Variants in SLC39A11 observed in about 807,000 individuals in gnomAD.
The protein encoded by SLC39A11 is zinc transporter ZIP11.
A neutral mutation model predicts 36.1 loss-of-function variants in SLC39A11; 33 were observed. That is an observed-to-expected ratio of 0.91 (90% CI 0.69 to 1.22). SLC39A11 has a LOEUF of 1.22. Ranked by LOEUF, SLC39A11 falls within the 50% of genes most tolerant of loss-of-function variation. The pLI is 0.00. For missense variants in SLC39A11, 432 were observed against 430.3 expected (o/e 1.00, Z -0.03); for synonymous variants, 166 against 170.3 (o/e 0.97, Z 0.20).
chr17:72,833,713 A>G (rs1249457909), intron 6 of SLC39A11, among the ~76,000 whole-genome samples: 1 of 152,204 alleles, frequency 6.6e-6, no homozygotes, highest in Non-Finnish European at 1.5e-5. Flanking sequence ...CAGATAACAC[A>G]TAACACCAGA....
chr17:72,774,921 G>C (rs2076081209), intron 6 of SLC39A11, among the ~76,000 whole-genome samples: 3 of 151,658 alleles, frequency 2.0e-5, no homozygotes, highest in African/African-American at 7.3e-5. Context: ...CTTCTCCTTG[G>C]CTTCATCTTC....
intron 4 of SLC39A11, among the ~76,000 whole-genome samples, chr17:73,012,569 G>A (rs2090582373): frequency 6.6e-6 from 1 of 151,600 alleles, no homozygotes; most frequent in African/African-American, 2.4e-5. Flanking sequence ...TAGAATCAGG[G>A]GGTACGTGTG....
intron 3 of SLC39A11, among the ~76,000 whole-genome samples, chr17:73,061,841 C>A (rs1420683101): frequency 6.6e-6 from 1 of 151,774 alleles, no homozygotes; most frequent in South Asian, 2.1e-4. Flanking sequence ...CAAAAAAACA[C>A]GAAAATTAGC....
At chr17:72,654,267 T>TGTGA (rs1308657351) in intron 7 of SLC39A11, among the ~76,000 whole-genome samples, 3 of 151,918 alleles carry the variant, frequency 2.0e-5, no homozygotes, top group Non-Finnish European at 4.4e-5. Context: ...AGGATCGGAG[T>TGTGA]TAATGGCCTC....
At chr17:73,003,288 G>T (rs1356252678) in intron 4 of SLC39A11, among the ~76,000 whole-genome samples, 1 of 152,224 alleles carries the variant, frequency 6.6e-6, no homozygotes, top group Non-Finnish European at 1.5e-5. Context: ...ACCCCAGCTT[G>T]ACGGGCCGGG....
intron 7 of SLC39A11, among the ~76,000 whole-genome samples, chr17:72,693,914 G>A (rs1416454899): frequency 1.3e-5 from 2 of 152,042 alleles, no homozygotes; most frequent in South Asian, 2.1e-4. Flanking sequence ...CACCCGCCTC[G>A]GCCTCCCAAA....
intron 3 of SLC39A11, among the ~76,000 whole-genome samples, chr17:73,042,012 T>TAA (rs145959505): frequency 6.6e-6 from 1 of 150,686 alleles, no homozygotes; most frequent in Non-Finnish European, 1.5e-5. Context: ...TAGAATGATT[T>TAA]AAAAAAAAAA....
At chr17:72,825,239 C>T (rs2077968700) in intron 6 of SLC39A11, among the ~76,000 whole-genome samples, 1 of 152,226 alleles carries the variant, frequency 6.6e-6, no homozygotes, top group Non-Finnish European at 1.5e-5. Flanking sequence ...CCAGGTATGG[C>T]TAAAAGGGCC....
At chr17:72,726,922 G>A (rs1323318517) in intron 7 of SLC39A11, among the ~76,000 whole-genome samples, 1 of 152,186 alleles carries the variant, frequency 6.6e-6, no homozygotes. Context: ...TCTGGGTGTT[G>A]ATTAGCAGTA....
chr17:72,992,256 A>G (rs1357565261), intron 4 of SLC39A11, among the ~76,000 whole-genome samples: 1 of 152,196 alleles, frequency 6.6e-6, no homozygotes, highest in East Asian at 1.9e-4. Context: ...TGGGAGACTG[A>G]GGCAGGAGAA....
chr17:72,672,251 C>A (rs2071055187), intron 7 of SLC39A11, among the ~76,000 whole-genome samples: 1 of 152,178 alleles, frequency 6.6e-6, no homozygotes, highest in Non-Finnish European at 1.5e-5. Flanking sequence ...GAGTTCGAGA[C>A]CAACCTGGCC....
intron 6 of SLC39A11, among the ~76,000 whole-genome samples, chr17:72,838,412 A>G (rs945696526): frequency 6.6e-6 from 1 of 151,846 alleles, no homozygotes; most frequent in Non-Finnish European, 1.5e-5. Flanking sequence ...AATTTTTCGT[A>G]GAGATGGGGG....
intron 6 of SLC39A11, among the ~76,000 whole-genome samples, chr17:72,837,360 C>CAA (rs34639176): frequency 0.032 from 2,934 of 90,734 alleles, 117 homozygotes; most frequent in African/African-American, 0.075. Context: ...GTATATTGCT[C>CAA]AAAAAAAAAA....
intron 7 of SLC39A11, among the ~76,000 whole-genome samples, chr17:72,669,691 A>C (rs141561329): frequency 9.2e-5 from 14 of 152,204 alleles, no homozygotes; most frequent in South Asian, 8.3e-4. Flanking sequence ...ATTTGAAGGG[A>C]GATACCAATA....
At chr17:73,015,351 C>T (rs1192261332) in intron 4 of SLC39A11, among the ~76,000 whole-genome samples, 1 of 152,182 alleles carries the variant, frequency 6.6e-6, no homozygotes, top group Non-Finnish European at 1.5e-5. Flanking sequence ...ATTCTATTAT[C>T]TGGTGCCAGA....
intron 7 of SLC39A11, among the ~76,000 whole-genome samples, chr17:72,713,769 C>G (rs1180784588): frequency 6.6e-6 from 1 of 152,170 alleles, no homozygotes; most frequent in African/African-American, 2.4e-5. Flanking sequence ...CCTGCCATCC[C>G]TCATCTGAGG....
At chr17:72,743,241 GCCC>G (rs57242704) in intron 6 of SLC39A11, among the ~76,000 whole-genome samples, 22,403 of 152,056 alleles carry the variant, frequency 0.15, 1,743 homozygotes, top group African/African-American at 0.18. Context: ...ATTGTTTCCT[GCCC>G]CCAAGTGTCC....
At chr17:72,863,410 C>G (rs1336021580) in intron 5 of SLC39A11, among the ~76,000 whole-genome samples, 1 of 152,068 alleles carries the variant, frequency 6.6e-6, no homozygotes, top group Admixed American at 6.5e-5. Context: ...CAAGGGAAAC[C>G]CAAGGAGGGA....
At chr17:72,697,069 C>T (rs2072337979) in intron 7 of SLC39A11, among the ~76,000 whole-genome samples, 1 of 152,290 alleles carries the variant, frequency 6.6e-6, no homozygotes, top group Middle Eastern at 3.4e-3. Flanking sequence ...TTGCAAAATA[C>T]TTTTACATAT....
Sources: gnomAD v4.1 joint callset for allele counts (sites outside exome capture counted in the v4.1 genomes callset) on GRCh38, gnomAD v4.1.1 for gene constraint, MANE v1.5 for transcripts, NCBI Gene and HGNC (gene_info 2026-07-23, HGNC 2026-07-21) for gene names.